PROX1: variants seen among roughly 807,000 people sequenced by gnomAD.
PROX1 encodes prospero homeobox 1, also known as prospero homeobox protein 1.
In PROX1, 7 loss-of-function variants were observed where a neutral mutation model predicts 58.8. The ratio of observed to expected loss-of-function variants is 0.12; its 90% CI spans 0.07 to 0.22. PROX1 has a LOEUF of 0.22. PROX1 is among the 10% of genes least tolerant of loss of function. The pLI is 1.00. For synonymous variants in PROX1, 350 were observed against 358.3 expected (o/e 0.98, Z 0.26); for missense variants, 675 against 927.8 (o/e 0.73, Z 3.54).
rs189262588 is a variant in PROX1 at position 214,003,236 on chromosome 1, A to G, written c.1726-1929A>G. On this transcript the variant is annotated intron_variant, in intron 2 of 4. Transcript: ENST00000366958. Reference sequence around the variant, plus strand: ...TGTATTTTGTATGACACCAAATTTTAAAAGATTTGTGACTTCCAATTAAAT... The same window carrying G: ...TGTATTTTGTATGACACCAAATTTTGAAAGATTTGTGACTTCCAATTAAAT... Among the ~76,000 whole-genome samples the G allele has an allele frequency of 1.4e-3, 217 of 152,348 alleles. 2 individuals are homozygous for G. The highest frequency in any genetic ancestry group is 6.8e-4 in the Non-Finnish European group (46 of 68,014).
At chr1:213,993,835 C>T (rs1331199761) in intron 1 of PROX1, among the ~76,000 whole-genome samples, 1 of 152,182 alleles carries the variant, frequency 6.6e-6, no homozygotes, top group East Asian at 1.9e-4. Context: ...CATTTTACAA[C>T]AAGACCTAAA....
At chr1:214,010,523 C>T (rs1663871761) in intron 3 of PROX1, among the ~76,000 whole-genome samples, 1 of 151,928 alleles carries the variant, frequency 6.6e-6, no homozygotes, top group Non-Finnish European at 1.5e-5. Flanking sequence ...AAGGGGATGC[C>T]TGTGATGACA....
rs1485298418 is a variant in PROX1 at position 213,997,731 on chromosome 1, A to G, written c.1196A>G (p.Asn399Ser). Reference protein sequence around the residue: ...PQARFAVNGENHNFHTANQRL... With the variant: ...PQARFAVNGESHNFHTANQRL... The stretch of plus-strand genomic sequence containing the variant: ...GCCAGATTTGCAGTCAATGGGGAAA[A>G]CCACAATTTCCACACCGCCAACCAG... Residue 399 changes from asparagine (N) to serine (S), a missense_variant, in exon 2 of 5, where the codon AAC becomes AGC. Asn to Ser is a conservative substitution (Grantham distance 46, BLOSUM62 1). Transcript: ENST00000366958. This position sits in a 1 kb window ranked among gnomAD's most constrained non-coding sequence, Gnocchi z 7.1. 6.2e-7 allele frequency: 1 copy of G among 1,613,936 alleles called. No individual in the cohort carries two copies. The highest frequency in any genetic ancestry group is 8.5e-7 in the Non-Finnish European group (1 of 1,179,948).
Position 214,035,646 on chromosome 1 carries a change from C to G in PROX1, c.2029-3C>G, listed in dbSNP as rs759659225. The G allele has an allele frequency of 6.2e-7, 1 of 1,604,384 alleles. No individual in the cohort carries two copies. The highest frequency in any genetic ancestry group is 1.7e-5 in the Admixed American group (1 of 58,890). ...TAATGCCATTGTCTCCTTGTATCAG[C>G]AGGTTCCAGAGAGATTCCTGGAAGT... On this transcript the variant is annotated splice_region_variant and splice_polypyrimidine_tract_variant and intron_variant, in intron 4 of 4. Coordinates refer to ENST00000366958, the MANE Select transcript of PROX1 (RefSeq NM_001270616.2).
At chr1:213,991,271 T>C (rs1663025969) in intron 1 of PROX1, among the ~76,000 whole-genome samples, 1 of 152,250 alleles carries the variant, frequency 6.6e-6, no homozygotes, top group Non-Finnish European at 1.5e-5. Context: ...TTAAACAGAC[T>C]ACTTCTGTAG....
At chr1:213,990,302 G>A (rs1662981180) in intron 1 of PROX1, among the ~76,000 whole-genome samples, 1 of 151,798 alleles carries the variant, frequency 6.6e-6, no homozygotes, top group Admixed American at 6.6e-5. Context: ...TGTCTGTACA[G>A]CTCTAGACCA....
At chr1:214,032,972 G>T (rs546852090) in intron 4 of PROX1, among the ~76,000 whole-genome samples, 1 of 152,246 alleles carries the variant, frequency 6.6e-6, no homozygotes, top group Non-Finnish European at 1.5e-5. Context: ...CAAAGAAGTT[G>T]CCTTGTTCTC....
In PROX1 at chr1:214,039,348, C is replaced by T. The variant is rs1664930526; in HGVS notation, c.*3514C>T. The T allele has an allele frequency of 6.6e-6, 1 of 152,072 alleles. No homozygotes were observed. Among genetic ancestry groups the T allele is most frequent in the South Asian group, 2.1e-4 (1 of 4,822 alleles). 9.4% of individuals were successfully genotyped at this position (152,072 alleles called of 1,614,324 possible). ...TTCACCCACATATTCCTGAAGTTTG[C>T]TTTGTGCCTCCGAGTATTATTTAAT... On this transcript the variant is annotated 3_prime_UTR_variant, in exon 5 of 5. Coordinates refer to ENST00000366958, the MANE Select transcript of PROX1 (RefSeq NM_001270616.2).
intron 2 of PROX1, among the ~76,000 whole-genome samples, chr1:214,003,376 G>A (rs1372881559): frequency 6.6e-6 from 1 of 152,224 alleles, no homozygotes; most frequent in Non-Finnish European, 1.5e-5. Flanking sequence ...GTCGCAGACA[G>A]CTTGCAACTA....
At chr1:214,003,608 C>A (rs1663602255) in intron 2 of PROX1, among the ~76,000 whole-genome samples, 1 of 152,070 alleles carries the variant, frequency 6.6e-6, no homozygotes. Flanking sequence ...ATCAAAATTT[C>A]TTTCTTTAGT....
chr1:214,036,232 TACAG>T lies in PROX1; in HGVS notation c.*403_*406del, dbSNP rs1664824408. The T allele has an allele frequency of 6.4e-6, 1 of 155,372 alleles. No individual in the cohort carries two copies. The highest frequency in any genetic ancestry group is 1.4e-5 in the Non-Finnish European group (1 of 70,304). 9.6% of individuals were successfully genotyped at this position (155,372 alleles called of 1,614,324 possible). A position where few individuals can be genotyped will look rare whatever the true frequency, so the allele number is the denominator to read the frequency against. On this transcript the variant is annotated 3_prime_UTR_variant, in exon 5 of 5. Coordinates refer to ENST00000366958, the MANE Select transcript of PROX1 (RefSeq NM_001270616.2). The stretch of plus-strand genomic sequence containing the variant: ...GAAAACCCATGACACAGCACAACTC[TACAG>T]ACAGTGATGTGTCTCTTGTTTCTAC...
rs891296525 is a variant in PROX1 at position 213,988,410 on chromosome 1, A to AAGAGAG, written c.-131_-126dup. ...TTCCTCTCTCTGCCGGGGGAAAAAA[A>AAGAGAG]AGAGAGAGAGAGAGATAGAGAGAGA... On this transcript the variant is annotated 5_prime_UTR_variant, in exon 1 of 5. Transcript: ENST00000366958. 1 of 106,694 alleles carries AAGAGAG rather than the reference A, an allele frequency of 9.4e-6. No homozygotes were observed. Among genetic ancestry groups the AAGAGAG allele is most frequent in the Non-Finnish European group, 2.2e-5 (1 of 45,678 alleles). 6.6% of individuals were successfully genotyped at this position (106,694 alleles called of 1,614,324 possible).
At chr1:214,000,230 A>T (rs1042129179) in intron 2 of PROX1, among the ~76,000 whole-genome samples, 10 of 152,200 alleles carry the variant, frequency 6.6e-5, no homozygotes, top group Non-Finnish European at 1.5e-4. Context: ...TAACCAGATC[A>T]TTATAATTAT....
intron 4 of PROX1, among the ~76,000 whole-genome samples, chr1:214,015,671 G>A (rs1664068984): frequency 6.6e-6 from 1 of 151,908 alleles, no homozygotes; most frequent in South Asian, 2.1e-4. Context: ...AACGTAAGGA[G>A]CCAAAAGACA....
chr1:214,025,757 G>T (rs1215120235), intron 4 of PROX1, among the ~76,000 whole-genome samples: 1 of 151,844 alleles, frequency 6.6e-6, no homozygotes, highest in African/African-American at 2.4e-5. Context: ...CCGCCTCTTG[G>T]GTTCAAGCAA....
At chr1:213,991,662 C>G (rs1407568225) in intron 1 of PROX1, among the ~76,000 whole-genome samples, 2 of 152,190 alleles carry the variant, frequency 1.3e-5, no homozygotes, top group Non-Finnish European at 2.9e-5. Flanking sequence ...TTATTCATTT[C>G]CTAGCATCAT....
chr1:214,020,326 T>G (rs1386621312), intron 4 of PROX1, among the ~76,000 whole-genome samples: 1 of 152,188 alleles, frequency 6.6e-6, no homozygotes. Flanking sequence ...ATACTCTTCA[T>G]GCCTCGCTGT....
intron 2 of PROX1, among the ~76,000 whole-genome samples, chr1:214,002,428 T>A (rs1663556016): frequency 2.0e-5 from 3 of 149,856 alleles, no homozygotes; most frequent in South Asian, 2.1e-4. Flanking sequence ...TTTTTTTTTT[T>A]ACACCTGGCA....
At chr1:214,026,101 G>T (rs1664448239) in intron 4 of PROX1, among the ~76,000 whole-genome samples, 1 of 151,586 alleles carries the variant, frequency 6.6e-6, no homozygotes, top group African/African-American at 2.4e-5. Context: ...GGGAGAGAAT[G>T]AGGTATTAGG....
Sources: allele counts gnomAD v4.1 joint callset (sites outside exome capture counted in the v4.1 genomes callset), GRCh38; gene constraint gnomAD v4.1.1; non-coding constraint Gnocchi (gnomAD v3.1); transcripts MANE v1.5; gene names NCBI Gene and HGNC (gene_info 2026-07-23, HGNC 2026-07-21).